TIAM1: variants seen among roughly 807,000 people sequenced by gnomAD.
TIAM1 encodes the protein rho guanine nucleotide exchange factor TIAM1.
Under a neutral mutation model 163.5 loss-of-function variants are expected in TIAM1, and 65 were observed. The observed-to-expected ratio is 0.40, with a 90% CI of 0.33 to 0.49. The LOEUF (loss-of-function observed/expected upper bound fraction) is 0.49, where lower values mean the gene tolerates loss of function less well. Ranked by LOEUF, TIAM1 falls within the 20% of genes least tolerant of loss-of-function variation. The pLI, the probability that TIAM1 is intolerant of heterozygous loss-of-function variation, is 0.77. For synonymous variants in TIAM1, 833 were observed against 810.1 expected (o/e 1.03, Z -0.48); for missense variants, 1,789 against 2,044.7 (o/e 0.87, Z 2.41).
intron 2 of TIAM1, among the ~76,000 whole-genome samples, chr21:31,336,141 A>G (rs1377351040): frequency 1.3e-5 from 2 of 152,122 alleles, no homozygotes; most frequent in African/African-American, 4.8e-5. Context: ...GTGAAGACAG[A>G]CGCCACTGGG....
Position 31,154,378 on chromosome 21 carries a change from G to C in TIAM1, c.3040C>G (p.Pro1014Ala). The C allele has an allele frequency of 6.2e-7, 1 of 1,614,090 alleles. No individual in the cohort carries two copies. Among genetic ancestry groups the C allele is most frequent in the Non-Finnish European group, 8.5e-7 (1 of 1,180,006 alleles). Residue 1014 changes from proline (P) to alanine (A), a missense_variant, in exon 17 of 28, where the codon CCC (proline) becomes GCC (alanine). This residue lies in a region of TIAM1 where 303 missense variants were observed against 321.3 expected (regional missense o/e 0.94). Coordinates refer to ENST00000541036, the MANE Select transcript of TIAM1 (RefSeq NM_001353694.2). ...TGAGGAGATGGGCTCTGGTCAGAGG[G>C]GTTCATCTCATGCAAACTGCGGCAA... Reference protein sequence around the residue: ...AFCRSLHEMNPSDQSPSPQDS... With the variant: ...AFCRSLHEMNASDQSPSPQDS...
At chr21:31,146,554 T>C (rs1042893890) in intron 20 of TIAM1, among the ~76,000 whole-genome samples, 3 of 149,858 alleles carry the variant, frequency 2.0e-5, no homozygotes, top group Non-Finnish European at 4.4e-5. Flanking sequence ...CTGCTAAAAA[T>C]ACAAAAATTA....
intron 23 of TIAM1, among the ~76,000 whole-genome samples, chr21:31,132,651 A>T (rs576217640): frequency 6.6e-6 from 1 of 152,156 alleles, no homozygotes; most frequent in Non-Finnish European, 1.5e-5. Context: ...ACCATTGTGG[A>T]TCACAGCAGG....
rs190500180 is a variant in TIAM1 at position 31,551,035 on chromosome 21, A to C, written c.-422+7892T>G. On this transcript the variant is annotated intron_variant, in intron 1 of 28. Transcript: ENST00000286827. ...AGACCAGCCTGGCCAAGATGGTGAAACCTAGTCTCTACTAAAAATACAAAA... is the reference window on the plus strand; with the variant it reads ...AGACCAGCCTGGCCAAGATGGTGAACCCTAGTCTCTACTAAAAATACAAAA... 7.4e-4 allele frequency among the ~76,000 whole-genome samples: 112 copies of C among 152,088 alleles called. 3 individuals carry two copies. In the East Asian group the frequency reaches 0.018, roughly 25 times the overall value.
intron 6 of TIAM1, among the ~76,000 whole-genome samples, chr21:31,234,380 AAGGG>A (rs570032244): frequency 3.5e-4 from 37 of 106,538 alleles, no homozygotes; most frequent in Admixed American, 1.4e-3. Context: ...GGAAGGAAGG[AAGGG>A]AGGGAGGGAG....
At chr21:31,419,328 A>G (rs1358133092) in intron 2 of TIAM1, among the ~76,000 whole-genome samples, 1 of 152,234 alleles carries the variant, frequency 6.6e-6, no homozygotes, top group African/African-American at 2.4e-5. Context: ...TAGATGCATC[A>G]TCATTAAACA....
chr21:31,507,125 C>A (rs997463454), intron 1 of TIAM1, among the ~76,000 whole-genome samples: 2 of 146,192 alleles, frequency 1.4e-5, no homozygotes, highest in African/African-American at 5.1e-5. Context: ...AGTGAAATTG[C>A]TAGATCATAT....
At chr21:31,495,531 T>C (rs1322578073) in intron 1 of TIAM1, among the ~76,000 whole-genome samples, 1 of 152,218 alleles carries the variant, frequency 6.6e-6, no homozygotes, top group Non-Finnish European at 1.5e-5. Context: ...TAATCGCCTC[T>C]TAAAGGCCCC....
chr21:31,539,415 A>G (rs368406101), intron 1 of TIAM1, among the ~76,000 whole-genome samples: 18 of 150,690 alleles, frequency 1.2e-4, no homozygotes, highest in African/African-American at 1.7e-4. Flanking sequence ...ACAGGCGCCC[A>G]CCACCACACC....
chr21:31,501,586 TTTTGTTTGTTTGTTTG>T (rs61313235), intron 1 of TIAM1, among the ~76,000 whole-genome samples: 2 of 150,624 alleles, frequency 1.3e-5, no homozygotes, highest in South Asian at 4.2e-4. Flanking sequence ...ATGAAGTGGT[TTTTGTTTGTTTGTTTG>T]TTTGTTTGTT....
intron 2 of TIAM1, among the ~76,000 whole-genome samples, chr21:31,458,382 T>G (rs2045192681): frequency 6.6e-6 from 1 of 151,126 alleles, no homozygotes; most frequent in Admixed American, 6.6e-5. Context: ...ATCACACCAT[T>G]GCACTCCAGC....
chr21:31,190,605 T>C (rs1368567715), intron 13 of TIAM1, among the ~76,000 whole-genome samples: 2 of 152,120 alleles, frequency 1.3e-5, no homozygotes, highest in African/African-American at 2.4e-5. Context: ...GTACTAGAAG[T>C]ACCCAGAGAA....
chr21:31,367,468 T>C (rs2076522121), intron 2 of TIAM1, among the ~76,000 whole-genome samples: 1 of 152,210 alleles, frequency 6.6e-6, no homozygotes, highest in Non-Finnish European at 1.5e-5. Flanking sequence ...TAAATGGCAT[T>C]TGGATTCTTT....
chr21:31,221,385 A>G (rs980273457), intron 8 of TIAM1, among the ~76,000 whole-genome samples: 1 of 152,352 alleles, frequency 6.6e-6, no homozygotes, highest in African/African-American at 2.4e-5. Context: ...ATGGACTTCA[A>G]TGTTCTTTAA....
At chr21:31,350,792 C>T (rs2076221760) in intron 2 of TIAM1, among the ~76,000 whole-genome samples, 1 of 152,204 alleles carries the variant, frequency 6.6e-6, no homozygotes, top group African/African-American at 2.4e-5. Context: ...TACCCAGTGT[C>T]AGGTATTTCT....
intron 2 of TIAM1, among the ~76,000 whole-genome samples, chr21:31,393,992 T>G (rs2077010314): frequency 6.6e-6 from 1 of 152,182 alleles, no homozygotes; most frequent in Non-Finnish European, 1.5e-5. Flanking sequence ...TAAATTTCAT[T>G]TATATATTAT....
At chr21:31,142,392 C>T (rs949781005) in intron 20 of TIAM1, among the ~76,000 whole-genome samples, 5 of 144,716 alleles carry the variant, frequency 3.5e-5, no homozygotes, top group Admixed American at 7.2e-5. Context: ...CAGAGGCGAG[C>T]GGATCACTTG....
intron 2 of TIAM1, among the ~76,000 whole-genome samples, chr21:31,461,313 G>A (rs774652714): frequency 4.6e-5 from 7 of 151,898 alleles, no homozygotes; most frequent in East Asian, 1.9e-4. Flanking sequence ...GTGTAACCCC[G>A]TCTCTACTAA....
At chr21:31,493,991 T>C (rs2046561075) in intron 1 of TIAM1, among the ~76,000 whole-genome samples, 1 of 152,196 alleles carries the variant, frequency 6.6e-6, no homozygotes, top group African/African-American at 2.4e-5. Context: ...CTCAGCTCAC[T>C]GCAACCTCCA....
Sources: gnomAD v4.1 joint callset for allele counts (sites outside exome capture counted in the v4.1 genomes callset) on GRCh38, gnomAD v4.1.1 for gene constraint, gnomAD v4.1.1 regional missense constraint, MANE v1.5 for transcripts, NCBI Gene and HGNC (gene_info 2026-07-23, HGNC 2026-07-21) for gene names.